KDM3B: variants seen among roughly 807,000 people sequenced by gnomAD.
KDM3B encodes lysine-specific demethylase 3B.
A neutral mutation model predicts 170.0 loss-of-function variants in KDM3B; 10 were observed. That is an observed-to-expected ratio of 0.06 (90% CI 0.04 to 0.10). The LOEUF (loss-of-function observed/expected upper bound fraction) is 0.10. Among genes scored for constraint, KDM3B ranks in the 10% least tolerant of loss-of-function variants. The pLI is 1.00. For synonymous variants in KDM3B, 831 were observed against 834.8 expected, an observed-to-expected ratio of 1.00 and a Z score of 0.08; for missense variants, 1,394 against 2,195.2, an observed-to-expected ratio of 0.64 and a Z score of 7.29.
At chr5:138,374,120 T>C (rs994669602) in intron 2 of KDM3B, among the ~76,000 whole-genome samples, 1 of 151,372 alleles carries the variant, frequency 6.6e-6, no homozygotes, top group African/African-American at 2.4e-5. Context: ...CAGCCTCCCA[T>C]GTAGCTGGGA....
chr5:138,389,782 C>CTCTGTGTGTGTG (rs1554128165), intron 7 of KDM3B, among the ~76,000 whole-genome samples: 4 of 143,466 alleles, frequency 2.8e-5, no homozygotes, highest in African/African-American at 1.0e-4. Flanking sequence ...CTCTCTCTCT[C>CTCTGTGTGTGTG]TGTGTGTGTG....
At chr5:138,397,677 A>G (rs759611858) in intron 9 of KDM3B, among the ~76,000 whole-genome samples, 11 of 152,096 alleles carry the variant, frequency 7.2e-5, no homozygotes, top group Non-Finnish European at 1.5e-4. Flanking sequence ...CCTGGGCAAC[A>G]TGGCGAAACC....
At chr5:138,426,532 G>A (rs1763396946) in intron 17 of KDM3B, among the ~76,000 whole-genome samples, 2 of 146,378 alleles carry the variant, frequency 1.4e-5, no homozygotes, top group South Asian at 4.3e-4. Context: ...CCAAGATTGG[G>A]CCACTGCACT....
Position 138,392,178 on chromosome 5 carries a change from G to C in KDM3B, c.2546G>C (p.Gly849Ala). The change falls in exon 8 of 24, where the codon GGG (glycine) becomes GCG (alanine). Residue 849 changes from glycine to alanine, a missense_variant. Physicochemically the swap from Gly to Ala is moderately conservative, Grantham distance 60. Around this residue, in one of 19 missense-constraint regions of KDM3B, gnomAD observed 84 missense variants for 135.8 expected, o/e 0.62. Coordinates refer to ENST00000314358, the MANE Select transcript of KDM3B (RefSeq NM_016604.4). ...EHLMGKLGPN[G>A]ERSAELLLGK... ...CTGATGGGGAAGCTGGGCCCCAATG[G>C]GGAGCGCAGTGCTGAGCTGTTGCTG... 1 of 1,566,012 alleles carries C rather than the reference G, an allele frequency of 6.4e-7. No homozygotes were observed. The highest frequency in any genetic ancestry group is 8.7e-7 in the Non-Finnish European group (1 of 1,150,922).
At chr5:138,430,129 T>C (rs1453372396) in intron 21 of KDM3B, 120 bp from the exon 22 acceptor site, 1 of 1,359,286 alleles carries the variant, frequency 7.4e-7, no homozygotes, top group East Asian at 2.5e-5. Context: ...ACCTAGAGGA[T>C]GTTGACTAGA....
In KDM3B at chr5:138,352,729, TCGGGCGCTTGG is replaced by T. The variant is rs1761357240; in HGVS notation, c.-63_-53del. The T allele has an allele frequency of 3.9e-6, 4 of 1,035,504 alleles. No homozygotes were observed. Among genetic ancestry groups the T allele is most frequent in the Non-Finnish European group, 4.6e-6 (4 of 864,490 alleles). The allele number at this position is 1,035,504 out of a possible 1,614,324, so 64.1% of individuals were successfully genotyped here. A position where few individuals can be genotyped will look rare whatever the true frequency, so the allele number is the denominator to read the frequency against. ...TGCGGAGGGAGGCCTTGCGGGCGGA[TCGGGCGCTTGG>T]CGGCGGAGGTGGTGGGAGGCGGCGG... On this transcript the variant is annotated 5_prime_UTR_variant, in exon 1 of 24. Coordinates refer to ENST00000314358, the MANE Select transcript of KDM3B (RefSeq NM_016604.4).
intron 6 of KDM3B, among the ~76,000 whole-genome samples, chr5:138,385,466 T>C (rs1762234344): frequency 6.6e-6 from 1 of 152,168 alleles, no homozygotes; most frequent in Non-Finnish European, 1.5e-5. Flanking sequence ...CTCCTGACCT[T>C]GTGATCTGCC....
intron 13 of KDM3B, 51 bp downstream of exon 13, chr5:138,417,661 C>T: frequency 6.3e-7 from 1 of 1,579,212 alleles, no homozygotes; most frequent in Non-Finnish European, 8.7e-7. Context: ...TTTTTTTGTA[C>T]CAGGAAATGC....
At chr5:138,397,240 C>T (rs1170349530) in intron 9 of KDM3B, among the ~76,000 whole-genome samples, 6 of 151,938 alleles carry the variant, frequency 3.9e-5, no homozygotes, top group Non-Finnish European at 2.9e-5. Context: ...GAGGCTGAGG[C>T]GGGAGAATGG....
intron 7 of KDM3B, among the ~76,000 whole-genome samples, chr5:138,388,164 C>T (rs1241782856): frequency 1.3e-5 from 2 of 152,166 alleles, no homozygotes; most frequent in Non-Finnish European, 2.9e-5. Flanking sequence ...CCAGGTTTTA[C>T]ATGCTATAAA....
intron 17 of KDM3B, among the ~76,000 whole-genome samples, chr5:138,426,574 CAAAAAAAA>C (rs566978034): frequency 1.4e-5 from 1 of 69,194 alleles, no homozygotes; most frequent in Non-Finnish European, 2.9e-5. Flanking sequence ...GACTCCATCT[CAAAAAAAA>C]AAAAAAAAAA....
At chr5:138,399,049 C>T (rs571628401) in intron 10 of KDM3B, among the ~76,000 whole-genome samples, 7 of 151,494 alleles carry the variant, frequency 4.6e-5, no homozygotes, top group Non-Finnish European at 8.8e-5. Context: ...CCACCAAGCC[C>T]GGCTAATTTT....
rs1211281946 is a variant in KDM3B at position 138,420,911 on chromosome 5, C to T, written c.3921C>T (p.Thr1307=). Reference sequence around the variant, plus strand: ...CCGGGCCGGGAAAACTTCCTCAAACCCCCTTGGACACAGGCATACCCTTTC... The same window carrying T: ...CCGGGCCGGGAAAACTTCCTCAAACTCCCTTGGACACAGGCATACCCTTTC... ...LHSGPGKLPQ[T]PLDTGIPFPP... The change falls in exon 15 of 24, where the codon ACC becomes ACT. Residue 1307 remains threonine, a synonymous_variant. Coordinates refer to ENST00000314358, the MANE Select transcript of KDM3B (RefSeq NM_016604.4). 3 of 1,614,064 alleles carry T rather than the reference C, an allele frequency of 1.9e-6. No individual in the cohort carries two copies. Among genetic ancestry groups the T allele is most frequent in the East Asian group, 2.2e-5 (1 of 44,876 alleles).
intron 2 of KDM3B, chr5:138,374,408 AC>A (rs1761945801): frequency 3.1e-6 from 1 of 324,968 alleles, no homozygotes; most frequent in African/African-American, 2.3e-5. Flanking sequence ...ACAGGCGCCC[AC>A]CACCACTCCC....
At chr5:138,388,603 T>G (rs1355601413) in intron 7 of KDM3B, among the ~76,000 whole-genome samples, 1 of 142,742 alleles carries the variant, frequency 7.0e-6, no homozygotes, top group African/African-American at 2.7e-5. Context: ...ATTGTGCCAC[T>G]GCACTCCAGC....
intron 1 of KDM3B, among the ~76,000 whole-genome samples, chr5:138,369,204 C>A (rs943864426): frequency 7.2e-5 from 11 of 152,152 alleles, no homozygotes; most frequent in Non-Finnish European, 1.6e-4. Flanking sequence ...ATTGAACATT[C>A]CAGACTGCTT....
chr5:138,414,763 C>T (rs537311619), intron 11 of KDM3B, among the ~76,000 whole-genome samples: 2 of 152,238 alleles, frequency 1.3e-5, no homozygotes, highest in Non-Finnish European at 2.9e-5. Flanking sequence ...GGAGACCAGC[C>T]TGGGCAACAT....
intron 23 of KDM3B, among the ~76,000 whole-genome samples, chr5:138,432,074 G>A (rs1348493749): frequency 2.0e-5 from 3 of 152,122 alleles, no homozygotes; most frequent in Admixed American, 2.0e-4. Flanking sequence ...AATCATTTCT[G>A]TTGTGACAGT....
chr5:138,397,592 C>G (rs1285364060), intron 9 of KDM3B, among the ~76,000 whole-genome samples: 4 of 152,122 alleles, frequency 2.6e-5, no homozygotes, highest in Admixed American at 6.6e-5. Context: ...AATCCCAGCA[C>G]TTTGGAAGAC....
Sources: allele counts gnomAD v4.1 joint callset (sites outside exome capture counted in the v4.1 genomes callset), GRCh38; gene constraint gnomAD v4.1.1; regional missense constraint gnomAD v4.1.1; transcripts MANE v1.5; gene names NCBI Gene and HGNC (gene_info 2026-07-23, HGNC 2026-07-21).